The following PCDHB12 variants were observed in gnomAD, a reference collection of about 807,000 sequenced individuals.
The protein encoded by PCDHB12 is protocadherin beta 12.
For missense variants in PCDHB12, 1,192 were observed against 998.2 expected (o/e 1.19, Z -2.62); for synonymous variants, 560 against 445.2 (o/e 1.26, Z -3.24).
rs782259044 is a variant in PCDHB12, at chr5:141,210,153, G to C, written c.1246G>C (p.Glu416Gln). 9.9e-6 allele frequency: 16 copies of C among 1,614,058 alleles called. No individual in the cohort carries two copies. The East Asian group carries it at 3.1e-4, about 31-fold the overall frequency. ...ERPLDRESRA[E>Q]YNITITVTDL... is the part of the protein sequence containing the mutation. ...ACCGCTGGACAGAGAGAGCAGAGCC[G>C]AGTACAACATCACCATCACCGTCAC... Residue 416 changes from glutamate to glutamine, a missense_variant, in exon 1 of 1, where the codon GAG becomes CAG. Transcript: ENST00000239450.
Position 141,210,467 on chromosome 5 carries a change from C to T in PCDHB12, c.1560C>T (p.Asp520=). The change falls in exon 1 of 1, where the codon GAC becomes GAT. Residue 520 remains aspartate, a synonymous_variant. Coordinates refer to ENST00000239450, the MANE Select transcript of PCDHB12 (RefSeq NM_018932.4). The part of the protein sequence containing the change: ...NGHLFALRSL[D]YEALQGFQFR... ...ACCTGTTTGCCCTCAGGTCGCTGGACTACGAGGCCCTGCAGGGGTTCCAGT... is the reference window on the plus strand; with the variant it reads ...ACCTGTTTGCCCTCAGGTCGCTGGATTACGAGGCCCTGCAGGGGTTCCAGT... The T allele has an allele frequency of 6.2e-7, 1 of 1,612,868 alleles. No individual in the cohort carries two copies. Among genetic ancestry groups the T allele is most frequent in the Non-Finnish European group, 8.5e-7 (1 of 1,179,890 alleles).
In PCDHB12 at chr5:141,210,152, C is replaced by G. The variant is rs781988261; in HGVS notation, c.1245C>G (p.Ala415=). ...TERPLDRESR[A]EYNITITVTD... ...GACCGCTGGACAGAGAGAGCAGAGC[C>G]GAGTACAACATCACCATCACCGTCA... The change falls in exon 1 of 1, where the codon GCC becomes GCG. Residue 415 remains alanine (A), a synonymous_variant. Transcript: ENST00000239450. 6.2e-7 allele frequency: 1 copy of G among 1,614,048 alleles called. No individual in the cohort carries two copies. Among genetic ancestry groups the G allele is most frequent in the Admixed American group, 1.7e-5 (1 of 60,000 alleles).
chr5:141,211,129 G>C lies in PCDHB12; in HGVS notation c.2222G>C (p.Gly741Ala). The C allele has an allele frequency of 6.2e-7, 1 of 1,614,190 alleles. No homozygotes were observed. Among genetic ancestry groups the C allele is most frequent in the Non-Finnish European group, 8.5e-7 (1 of 1,180,052 alleles). ...CCAGGACATCTGGTGGACGTGAGTG[G>C]CACCGGGACCCTGTCCCAGAGCTAC... ...PFPGHLVDVS[G>A]TGTLSQSYHY... Residue 741 changes from glycine to alanine, a missense_variant, in exon 1 of 1, where the codon GGC (glycine) becomes GCC (alanine). Transcript: ENST00000239450.
In PCDHB12 at chr5:141,209,102, G is replaced by T. The variant is rs149897891; in HGVS notation, c.195G>T (p.Arg65=). ...EVSELSSRGA[R]VVSNDNKECL... The stretch of plus-strand genomic sequence containing the variant: ...GTGAGCTGTCTTCGCGGGGGGCTCG[G>T]GTGGTTTCTAATGATAACAAAGAGT... The change falls in exon 1 of 1, where the codon CGG becomes CGT. Residue 65 remains arginine, a synonymous_variant. Coordinates refer to ENST00000239450, the MANE Select transcript of PCDHB12 (RefSeq NM_018932.4). The T allele has an allele frequency of 2.5e-6, 4 of 1,613,738 alleles. No individual in the cohort carries two copies. Among genetic ancestry groups the T allele is most frequent in the South Asian group, 1.1e-5 (1 of 91,072 alleles).
In PCDHB12 at chr5:141,209,026, A is replaced by T. The variant is rs932582311; in HGVS notation, c.119A>T (p.Gln40Leu). 61 of 1,610,134 alleles carry T rather than the reference A, an allele frequency of 3.8e-5. No homozygotes were observed. Among genetic ancestry groups the T allele is most frequent in the Non-Finnish European group, 4.8e-5 (57 of 1,178,328 alleles). ...AACTTTTTGGTGATGGAGGAATTGC[A>T]GAGCGGGAGCTTTGTAGGAAATTTG... ...TGNFLVMEELQSGSFVGNLAK... is the reference protein window; with the variant it reads ...TGNFLVMEELLSGSFVGNLAK... The change falls in exon 1 of 1, where the codon CAG becomes CTG. Residue 40 changes from glutamine to leucine, a missense_variant. By Grantham distance (113) the Gln-to-Leu change is moderately radical. Transcript: ENST00000239450.
Position 141,209,441 on chromosome 5 carries a change from C to G in PCDHB12, c.534C>G (p.Phe178Leu). ...KSYTINPNSH[F>L]HVKIRVNPDN... ...ACACAATAAATCCGAACTCTCATTT[C>G]CACGTTAAAATAAGAGTCAATCCAG... is the stretch of plus-strand genomic sequence containing the variant. The change falls in exon 1 of 1, where the codon TTC becomes TTG. Residue 178 changes from phenylalanine to leucine, a missense_variant. By Grantham distance (22) the Phe-to-Leu change is conservative (BLOSUM62 0). Transcript: ENST00000239450. 1 of 1,614,174 alleles carries G rather than the reference C, an allele frequency of 6.2e-7. No individual in the cohort carries two copies. Among genetic ancestry groups the G allele is most frequent in the African/African-American group, 1.3e-5 (1 of 75,040 alleles).
In PCDHB12 at chr5:141,210,350, C is replaced by A. The variant is rs782408199; in HGVS notation, c.1443C>A (p.Gly481=). The change falls in exon 1 of 1, where the codon GGC becomes GGA. Residue 481 remains glycine (G), a synonymous_variant. Transcript: ENST00000239450. ...GSISATDRDS[G]TNAQVNYSLL... Reference sequence around the variant, plus strand: ...TCAGCGCCACAGACAGAGACTCGGGCACCAACGCCCAGGTCAACTACTCGC... The same window carrying A: ...TCAGCGCCACAGACAGAGACTCGGGAACCAACGCCCAGGTCAACTACTCGC... 1 of 1,613,054 alleles carries A rather than the reference C, an allele frequency of 6.2e-7. No homozygotes were observed. The highest frequency in any genetic ancestry group is 8.5e-7 in the Non-Finnish European group (1 of 1,180,020).
rs1554286681 is a variant in PCDHB12 at position 141,209,552 on chromosome 5, G to A, written c.645G>A (p.Leu215=). The A allele has an allele frequency of 6.2e-7, 1 of 1,614,188 alleles. No homozygotes were observed. Among genetic ancestry groups the A allele is most frequent in the South Asian group, 1.1e-5 (1 of 91,084 alleles). Residue 215 remains leucine (L), a synonymous_variant, in exon 1 of 1, where the codon CTG becomes CTA. Transcript: ENST00000239450. ...RPELSFILTA[L]DGGSPPRSGT... is the part of the protein sequence containing the mutation. ...AGCTCAGTTTCATCCTCACTGCTCT[G>A]GATGGCGGGTCCCCTCCCAGGTCTG...
rs1359395188 is a variant in PCDHB12 at position 141,209,452 on chromosome 5, T to C, written c.545T>C (p.Ile182Thr). ...CCGAACTCTCATTTCCACGTTAAAA[T>C]AAGAGTCAATCCAGACAATAGGAAA... ...INPNSHFHVK[I>T]RVNPDNRKYP... is the part of the protein sequence containing the mutation. The change falls in exon 1 of 1, where the codon ATA (isoleucine) becomes ACA (threonine). Residue 182 changes from isoleucine to threonine, a missense_variant. Transcript: ENST00000239450. 9.9e-6 allele frequency: 16 copies of C among 1,614,060 alleles called. No homozygotes were observed. Among genetic ancestry groups the C allele is most frequent in the Non-Finnish European group, 1.3e-5 (15 of 1,180,040 alleles).
rs1754406735 is a variant in PCDHB12, at chr5:141,210,188, G to C, written c.1281G>C (p.Gly427=). The C allele has an allele frequency of 3.7e-6, 6 of 1,614,126 alleles. No individual in the cohort carries two copies. In the East Asian group the frequency reaches 1.3e-4, roughly 36 times the overall value. Residue 427 remains glycine, a synonymous_variant, in exon 1 of 1, where the codon GGG becomes GGC. Coordinates refer to ENST00000239450, the MANE Select transcript of PCDHB12 (RefSeq NM_018932.4). ...YNITITVTDL[G]TPRLKTEHNI... ...TCACCATCACCGTCACCGACTTGGGGACCCCCAGGCTAAAAACCGAGCACA... is the reference window on the plus strand; with the variant it reads ...TCACCATCACCGTCACCGACTTGGGCACCCCCAGGCTAAAAACCGAGCACA...
Position 141,211,224 on chromosome 5 carries a change from A to G in PCDHB12, c.2317A>G (p.Asn773Asp). The change falls in exon 1 of 1, where the codon AAC (asparagine) becomes GAC (aspartate). Residue 773 changes from asparagine to aspartate, a missense_variant. Coordinates refer to ENST00000239450, the MANE Select transcript of PCDHB12 (RefSeq NM_018932.4). The stretch of plus-strand genomic sequence containing the variant: ...CAAATTTCTGAAACCAATTATCCCC[A>G]ACTTCCTACCCCAGAGCACAGGTAG... ...KFKFLKPIIP[N>D]FLPQSTGSEV... The G allele has an allele frequency of 1.2e-6, 2 of 1,613,842 alleles. No individual in the cohort carries two copies. Among genetic ancestry groups the G allele is most frequent in the Non-Finnish European group, 1.7e-6 (2 of 1,179,878 alleles).
rs2149678083 is a variant in PCDHB12, at chr5:141,209,223, T to G, written c.316T>G (p.Phe106Val). 6.2e-7 allele frequency: 1 copy of G among 1,614,164 alleles called. No individual in the cohort carries two copies. Among genetic ancestry groups the G allele is most frequent in the Non-Finnish European group, 8.5e-7 (1 of 1,180,040 alleles). ...CTCCAATGAGCCTTGTGTGCTGTAT[T>G]TCCAAGTGTTAATGAAAAACCCCAC... ...CGSNEPCVLY[F>V]QVLMKNPTQF... The change falls in exon 1 of 1, where the codon TTC becomes GTC. Residue 106 changes from phenylalanine (F) to valine (V), a missense_variant. By Grantham distance (50) the Phe-to-Val change is conservative. Transcript: ENST00000239450.
rs1340140236 is a variant in PCDHB12, at chr5:141,210,541, C to T, written c.1634C>T (p.Ala545Val). The change falls in exon 1 of 1, where the codon GCG becomes GTG. Residue 545 changes from alanine to valine, a missense_variant. By Grantham distance (64) the Ala-to-Val change is moderately conservative. Coordinates refer to ENST00000239450, the MANE Select transcript of PCDHB12 (RefSeq NM_018932.4). ...GGCTCCCCGGCTTTGAGCAGCGAGG[C>T]GCTGGTGCGCGTGCTGGTGCTGGAC... ...DHGSPALSSE[A>V]LVRVLVLDAN... 6 of 1,611,792 alleles carry T rather than the reference C, an allele frequency of 3.7e-6. No individual in the cohort carries two copies. The highest frequency in any genetic ancestry group is 2.2e-5 in the East Asian group (1 of 44,884).
rs145189953 is a variant in PCDHB12 at position 141,210,449 on chromosome 5, T to C, written c.1542T>C (p.Phe514=). 416 of 1,613,012 alleles carry C rather than the reference T, an allele frequency of 2.6e-4. No homozygotes were observed. In the East Asian group the frequency reaches 2.7e-3, roughly 10 times the overall value. ...TCAACGCGGACAACGGCCACCTGTT[T>C]GCCCTCAGGTCGCTGGACTACGAGG... ...VSINADNGHL[F]ALRSLDYEAL... is the part of the protein sequence containing the mutation. The change falls in exon 1 of 1, where the codon TTT becomes TTC. Residue 514 remains phenylalanine, a synonymous_variant. Transcript: ENST00000239450.
In PCDHB12 at chr5:141,209,756, T is replaced by C. The variant is rs782575660; in HGVS notation, c.849T>C (p.His283=). The change falls in exon 1 of 1, where the codon CAT becomes CAC. Residue 283 remains histidine, a synonymous_variant. Transcript: ENST00000239450. ...GTGAACTATCCTATACCTTTTCCCA[T>C]GCCTCAGAAGATATTCGCAAGACAT... is the stretch of plus-strand genomic sequence containing the variant. ...TNSELSYTFS[H]ASEDIRKTFE... is the part of the protein sequence containing the mutation. The C allele has an allele frequency of 1.9e-6, 3 of 1,614,242 alleles. No homozygotes were observed. Among genetic ancestry groups the C allele is most frequent in the South Asian group, 1.1e-5 (1 of 91,088 alleles).
Position 141,211,161 on chromosome 5 carries a change from G to A in PCDHB12, c.2254G>A (p.Glu752Lys). The change falls in exon 1 of 1, where the codon GAG becomes AAG. Residue 752 changes from glutamate (E) to lysine (K), a missense_variant. Transcript: ENST00000239450. ...TGTLSQSYHY[E>K]VCVTGGSRSN... Reference sequence around the variant, plus strand: ...GACCCTGTCCCAGAGCTACCACTATGAGGTGTGTGTGACTGGAGGCTCCAG... The same window carrying A: ...GACCCTGTCCCAGAGCTACCACTATAAGGTGTGTGTGACTGGAGGCTCCAG... 2 of 1,614,176 alleles carry A rather than the reference G, an allele frequency of 1.2e-6. No individual in the cohort carries two copies. The highest frequency in any genetic ancestry group is 1.7e-6 in the Non-Finnish European group (2 of 1,180,010).
rs1754462008 is a variant in PCDHB12, at chr5:141,211,506, A to G, written c.*211A>G. 6.2e-6 allele frequency: 4 copies of G among 647,242 alleles called. No homozygotes were observed. The highest frequency in any genetic ancestry group is 1.8e-5 in the African/African-American group (1 of 54,208). The allele number at this position is 647,242 out of a possible 1,614,324, so 40.1% of individuals were successfully genotyped here. On this transcript the variant is annotated 3_prime_UTR_variant, in exon 1 of 1. Transcript: ENST00000239450. ...GCATGTGTAATGGTTTATGTCAAAC[A>G]ATTATGCTTAATATAAAGTCTATTA... is the stretch of plus-strand genomic sequence containing the variant.
chr5:141,209,094 G>C lies in PCDHB12; in HGVS notation c.187G>C (p.Gly63Arg), dbSNP rs782740286. 1 of 1,613,528 alleles carries C rather than the reference G, an allele frequency of 6.2e-7. No homozygotes were observed. The highest frequency in any genetic ancestry group is 2.2e-5 in the East Asian group (1 of 44,862). Residue 63 changes from glycine (G) to arginine (R), a missense_variant, in exon 1 of 1, where the codon GGG (glycine) becomes CGG (arginine). Transcript: ENST00000239450. ...CGAGGTGAGTGAGCTGTCTTCGCGG[G>C]GGGCTCGGGTGGTTTCTAATGATAA... ...GLEVSELSSR[G>R]ARVVSNDNKE...
rs1474151889 is a variant in PCDHB12 at position 141,209,982 on chromosome 5, A to G, written c.1075A>G (p.Asn359Asp). Residue 359 changes from asparagine (N) to aspartate (D), a missense_variant, in exon 1 of 1, where the codon AAC becomes GAC. Transcript: ENST00000239450. ...VSSITSPIPE[N>D]TPETVVMVFR... is the part of the protein sequence containing the mutation. ...ATCAATTACCAGTCCAATCCCAGAA[A>G]ACACTCCAGAGACTGTGGTTATGGT... 17 of 1,614,100 alleles carry G rather than the reference A, an allele frequency of 1.1e-5. No individual in the cohort carries two copies. The highest frequency in any genetic ancestry group is 1.4e-5 in the Non-Finnish European group (17 of 1,180,052).
Sources: gnomAD v4.1 joint callset for allele counts on GRCh38, gnomAD v4.1.1 for gene constraint, MANE v1.5 for transcripts, NCBI Gene and HGNC (gene_info 2026-07-23, HGNC 2026-07-21) for gene names.